Variants in PCDHA1 observed in about 807,000 individuals in gnomAD.
PCDHA1 encodes the protein protocadherin alpha-1.
PCDHA1 carries 42 observed loss-of-function variants against 61.3 expected under a neutral mutation model. That is an observed-to-expected ratio of 0.69 (90% CI 0.54 to 0.89). The LOEUF (loss-of-function observed/expected upper bound fraction) is 0.89, where lower values mean the gene tolerates loss of function less well. Ranked by LOEUF, PCDHA1 falls within the 40% of genes least tolerant of loss-of-function variation. The pLI, the probability that PCDHA1 is intolerant of heterozygous loss-of-function variation, is 0.00. For missense variants in PCDHA1, 1,256 were observed against 1,235.3 expected, an observed-to-expected ratio of 1.02 and a Z score of -0.25; for synonymous variants, 610 against 553.8, an observed-to-expected ratio of 1.10 and a Z score of -1.43.
intron 2 of PCDHA1, among the ~76,000 whole-genome samples, chr5:140,980,645 G>A (rs1322302727): frequency 6.7e-6 from 1 of 149,206 alleles, no homozygotes; most frequent in African/African-American, 2.5e-5. Flanking sequence ...ATAAATAAAT[G>A]AATAAAATAA....
chr5:140,823,570 G>A lies in PCDHA1; in HGVS notation c.2394+34886G>A, dbSNP rs2150127003. The A allele has an allele frequency of 1.9e-5, 31 of 1,613,864 alleles. No homozygotes were observed. Among genetic ancestry groups the A allele is most frequent in the Non-Finnish European group, 2.6e-5 (31 of 1,179,924 alleles). ...GGCGAAGGTGCGCGCAGTGGACCCT[G>A]ATTCGGGCTACAACGCTTGGCTTTC... is the stretch of plus-strand genomic sequence containing the variant. On this transcript the variant is annotated intron_variant, in intron 1 of 3. Coordinates refer to ENST00000504120, the MANE Select transcript of PCDHA1 (RefSeq NM_018900.4).
intron 1 of PCDHA1, chr5:140,821,910 C>A: frequency 6.2e-7 from 1 of 1,614,236 alleles, no homozygotes; most frequent in Non-Finnish European, 8.5e-7. Flanking sequence ...CCTTCGTTGG[C>A]CGCATCGCGC....
chr5:140,795,111 G>T lies in PCDHA1; in HGVS notation c.2394+6427G>T, dbSNP rs144324178. ...ACGGCACCTTCGTGGGCCGCATCGC[G>T]CAGGACCTGGGGCTGGAGCTGGAGG... On this transcript the variant is annotated intron_variant, in intron 1 of 3. Coordinates refer to ENST00000504120, the MANE Select transcript of PCDHA1 (RefSeq NM_018900.4). 488 of 1,613,944 alleles carry T rather than the reference G, an allele frequency of 3.0e-4. 1 individual carries two copies. Among genetic ancestry groups the T allele is most frequent in the Non-Finnish European group, 4.0e-4 (468 of 1,180,054 alleles).
In PCDHA1 at chr5:140,856,537, G is replaced by T. The variant is rs782543512; in HGVS notation, c.2394+67853G>T. 18 of 1,598,256 alleles carry T rather than the reference G, an allele frequency of 1.1e-5. 3 individuals carry two copies. The highest frequency in any genetic ancestry group is 1.5e-5 in the Non-Finnish European group (18 of 1,167,836). ...GCGCATCTGATGCGGATGTTGGAGA[G>T]AACGCATTGCTTACTTACAAACTCA... On this transcript the variant is annotated intron_variant, in intron 1 of 3. Coordinates refer to ENST00000504120, the MANE Select transcript of PCDHA1 (RefSeq NM_018900.4).
intron 1 of PCDHA1, among the ~76,000 whole-genome samples, chr5:140,798,447 G>A (rs1359107743): frequency 6.6e-6 from 1 of 152,126 alleles, no homozygotes; most frequent in Non-Finnish European, 1.5e-5. Flanking sequence ...TCACACTGGG[G>A]TTTTTCAGGT....
At chr5:140,801,383 C>A (rs782436436) in intron 1 of PCDHA1, 15 of 1,613,546 alleles carry the variant, frequency 9.3e-6, no homozygotes, top group Middle Eastern at 1.8e-4. Context: ...TGGTGCCGCG[C>A]CTGTTCCGGG....
intron 1 of PCDHA1, among the ~76,000 whole-genome samples, chr5:140,921,041 G>A (rs902181810): frequency 1.3e-5 from 2 of 151,820 alleles, no homozygotes; most frequent in Non-Finnish European, 2.9e-5. Flanking sequence ...GTGCAGTGGG[G>A]CAATCATAGC....
chr5:140,875,356 G>C (rs2055432006), intron 1 of PCDHA1: 5 of 1,446,352 alleles, frequency 3.5e-6, no homozygotes, highest in Admixed American at 5.7e-5. Context: ...TGACTGTGAT[G>C]CTGGAAAAAA....
rs1329189325 is a variant in PCDHA1, at chr5:141,010,310, G to C, written c.*373G>C. The C allele has an allele frequency of 6.5e-7, 1 of 1,547,658 alleles. No individual in the cohort carries two copies. The highest frequency in any genetic ancestry group is 8.7e-7 in the Non-Finnish European group (1 of 1,145,866). ...CTTGCAGGGCAGGCTGAAAAGTTTT[G>C]AGATTGAGCAGCTTGGGAGTTTGTG... On this transcript the variant is annotated 3_prime_UTR_variant, in exon 4 of 4. Coordinates refer to ENST00000504120, the MANE Select transcript of PCDHA1 (RefSeq NM_018900.4).
At chr5:140,917,330 A>G (rs155802) in intron 1 of PCDHA1, among the ~76,000 whole-genome samples, 15,235 of 96,446 alleles carry the variant, frequency 0.16, 1,247 homozygotes, top group East Asian at 0.38. Context: ...GTGGCGGGGG[A>G]GGGGGGGGAT....
chr5:140,920,403 T>A (rs1440027208), intron 1 of PCDHA1, among the ~76,000 whole-genome samples: 3 of 152,356 alleles, frequency 2.0e-5, no homozygotes, highest in South Asian at 2.1e-4. Context: ...TGTCTTTTTT[T>A]AATCAGATAC....
intron 1 of PCDHA1, chr5:140,807,540 A>T: frequency 6.2e-7 from 1 of 1,614,136 alleles, no homozygotes; most frequent in South Asian, 1.1e-5. Context: ...CAGGTTTTCC[A>T]TGTGGACGTG....
chr5:140,789,655 T>A (rs1477667795), intron 1 of PCDHA1, among the ~76,000 whole-genome samples: 2 of 152,174 alleles, frequency 1.3e-5, no homozygotes, highest in African/African-American at 4.8e-5. Context: ...GGGATCCAGT[T>A]AGGAAACACT....
chr5:140,980,412 A>G (rs1264059417), intron 2 of PCDHA1, among the ~76,000 whole-genome samples: 4 of 152,302 alleles, frequency 2.6e-5, no homozygotes, highest in Non-Finnish European at 5.9e-5. Flanking sequence ...TGGGCAGATC[A>G]TGAGGTCAAG....
rs200153004 is a variant in PCDHA1 at position 140,870,042 on chromosome 5, G to A, written c.2394+81358G>A. 5 of 1,613,712 alleles carry A rather than the reference G, an allele frequency of 3.1e-6. No homozygotes were observed. In the East Asian group the frequency reaches 6.7e-5, roughly 22 times the overall value. On this transcript the variant is annotated intron_variant, in intron 1 of 3. Coordinates refer to ENST00000504120, the MANE Select transcript of PCDHA1 (RefSeq NM_018900.4). The stretch of plus-strand genomic sequence containing the variant: ...GAACTTTAGATTATGAAGAAAACAA[G>A]TTTTATAAAATTGAAGTACAGGCTA...
In PCDHA1 at chr5:140,787,592, G is replaced by C. The variant is rs144742806; in HGVS notation, c.1302G>C (p.Ser434=). Residue 434 remains serine (S), a synonymous_variant, in exon 1 of 4, where the codon TCG becomes TCC. Coordinates refer to ENST00000504120, the MANE Select transcript of PCDHA1 (RefSeq NM_018900.4). ...VVTARDGGSP[S]LWATARVSVE... Reference sequence around the variant, plus strand: ...CCGCGCGGGACGGGGGCTCGCCTTCGCTGTGGGCCACGGCCAGGGTGTCCG... The same window carrying C: ...CCGCGCGGGACGGGGGCTCGCCTTCCCTGTGGGCCACGGCCAGGGTGTCCG... 31 of 1,614,018 alleles carry C rather than the reference G, an allele frequency of 1.9e-5. 1 individual carries two copies. The South Asian group carries it at 3.4e-4, about 18-fold the overall frequency.
chr5:140,949,012 A>G (rs1029892336), intron 1 of PCDHA1, among the ~76,000 whole-genome samples: 11 of 151,632 alleles, frequency 7.3e-5, no homozygotes, highest in African/African-American at 2.7e-4. Flanking sequence ...TTTATATGTG[A>G]TGTTTTTATT....
intron 1 of PCDHA1, chr5:140,881,353 G>C (rs537796043): frequency 1.0e-6 from 1 of 985,060 alleles, no homozygotes; most frequent in African/African-American, 1.7e-5. Flanking sequence ...GCTACAATGC[G>C]TGGCTTTCGT....
chr5:140,858,473 A>G (rs1055200728), intron 1 of PCDHA1: 2 of 1,518,350 alleles, frequency 1.3e-6, no homozygotes, highest in Non-Finnish European at 1.8e-6. Context: ...TTTGTGCTTT[A>G]TGAATAATAT....
Sources: allele counts gnomAD v4.1 joint callset (sites outside exome capture counted in the v4.1 genomes callset), GRCh38; gene constraint gnomAD v4.1.1; transcripts MANE v1.5; gene names NCBI Gene and HGNC (gene_info 2026-07-23, HGNC 2026-07-21).